Variants in MARCHF11 observed in about 807,000 individuals in gnomAD.
MARCHF11 encodes membrane associated ring-CH-type finger 11, also known as E3 ubiquitin-protein ligase MARCHF11.
A neutral mutation model predicts 37.3 loss-of-function variants in MARCHF11; 29 were observed. That is an observed-to-expected ratio of 0.78 (90% CI 0.58 to 1.06). The LOEUF is 1.06. Among genes scored for constraint, MARCHF11 ranks in the 50% least tolerant of loss-of-function variants. MARCHF11 has a pLI of 0.00. For missense variants in MARCHF11, 482 were observed against 533.4 expected (o/e 0.90, Z 0.95); for synonymous variants, 233 against 228.0 (o/e 1.02, Z -0.20).
chr5:16,117,645 G>A (rs544458586), intron 2 of MARCHF11, among the ~76,000 whole-genome samples: 175 of 152,254 alleles, frequency 1.1e-3, no homozygotes, highest in Middle Eastern at 6.8e-3. Context: ...TCCCAGCTAC[G>A]CAGGAGGCCA....
intron 2 of MARCHF11, among the ~76,000 whole-genome samples, chr5:16,134,737 CTAAA>C (rs1358752540): frequency 6.6e-6 from 1 of 151,980 alleles, no homozygotes; most frequent in Non-Finnish European, 1.5e-5. Flanking sequence ...AAGAAAGTGA[CTAAA>C]TAAGTTCTGG....
At chr5:16,096,476 G>T (rs1156527657) in intron 2 of MARCHF11, among the ~76,000 whole-genome samples, 1 of 152,156 alleles carries the variant, frequency 6.6e-6, no homozygotes, top group Non-Finnish European at 1.5e-5. Context: ...TCCTACAAAG[G>T]TTCTGAAAAT....
chr5:16,130,143 CAT>C (rs1737490732), intron 2 of MARCHF11, among the ~76,000 whole-genome samples: 1 of 151,860 alleles, frequency 6.6e-6, no homozygotes, highest in Non-Finnish European at 1.5e-5. Flanking sequence ...CTCATTTTAA[CAT>C]ATTTAATAAT....
chr5:16,120,863 C>T (rs1003750879), intron 2 of MARCHF11, among the ~76,000 whole-genome samples: 1 of 152,174 alleles, frequency 6.6e-6, no homozygotes, highest in Non-Finnish European at 1.5e-5. Flanking sequence ...CACTCAGTGT[C>T]CTGGCAGCTT....
intron 2 of MARCHF11, among the ~76,000 whole-genome samples, chr5:16,120,767 C>T (rs1737297426): frequency 1.3e-5 from 2 of 152,150 alleles, no homozygotes; most frequent in South Asian, 4.1e-4. Flanking sequence ...GCCATGTCAA[C>T]AAGCATGAAA....
At chr5:16,150,498 T>G (rs1383902401) in intron 2 of MARCHF11, among the ~76,000 whole-genome samples, 1 of 149,464 alleles carries the variant, frequency 6.7e-6, no homozygotes, top group Non-Finnish European at 1.5e-5. Context: ...GTGGGAAAAG[T>G]ATTGGGATCT....
At chr5:16,089,074 C>A (rs1736747084) in intron 3 of MARCHF11, among the ~76,000 whole-genome samples, 1 of 151,630 alleles carries the variant, frequency 6.6e-6, no homozygotes, top group Admixed American at 6.6e-5. Context: ...CATAATAACT[C>A]AGCACTAAAT....
chr5:16,125,643 G>C (rs1387671208), intron 2 of MARCHF11, among the ~76,000 whole-genome samples: 1 of 142,758 alleles, frequency 7.0e-6, no homozygotes, highest in African/African-American at 3.0e-5. Flanking sequence ...GTGTGTGTGT[G>C]TGTGTGTGTG....
At chr5:16,136,559 T>C (rs1023826546) in intron 2 of MARCHF11, among the ~76,000 whole-genome samples, 5 of 152,126 alleles carry the variant, frequency 3.3e-5, no homozygotes, top group Non-Finnish European at 7.4e-5. Flanking sequence ...TGAAAAGTAA[T>C]GCAACTGTGA....
intron 2 of MARCHF11, among the ~76,000 whole-genome samples, chr5:16,133,500 C>G (rs1445619550): frequency 6.6e-6 from 1 of 152,174 alleles, no homozygotes; most frequent in Non-Finnish European, 1.5e-5. Flanking sequence ...CACATAGATA[C>G]ATAAAAACTG....
intron 3 of MARCHF11, 144 bp from the exon 4 acceptor site, chr5:16,067,937 AT>A: frequency 1.9e-5 from 14 of 733,018 alleles, no homozygotes; most frequent in Non-Finnish European, 3.0e-5. Flanking sequence ...CTCAAATATT[AT>A]GGCTAATGGC....
At chr5:16,152,902 A>G (rs1029010261) in intron 2 of MARCHF11, among the ~76,000 whole-genome samples, 1 of 152,012 alleles carries the variant, frequency 6.6e-6, no homozygotes, top group Non-Finnish European at 1.5e-5. Context: ...ATGATAACTT[A>G]AATGGTATAA....
chr5:16,099,206 A>G (rs1461027528), intron 2 of MARCHF11, among the ~76,000 whole-genome samples: 2 of 152,196 alleles, frequency 1.3e-5, no homozygotes, highest in African/African-American at 4.8e-5. Flanking sequence ...AAGAAATACG[A>G]CCCACTTATT....
At chr5:16,068,328 A>G (rs1408245193) in intron 3 of MARCHF11, among the ~76,000 whole-genome samples, 1 of 152,246 alleles carries the variant, frequency 6.6e-6, no homozygotes, top group African/African-American at 2.4e-5. Flanking sequence ...TTCAACAAAA[A>G]TGTATTGAAC....
intron 2 of MARCHF11, among the ~76,000 whole-genome samples, chr5:16,124,497 C>T (rs977601901): frequency 1.1e-4 from 16 of 152,080 alleles, no homozygotes; most frequent in African/African-American, 2.2e-4. Context: ...AAGTAAGACA[C>T]GGGAATCCAG....
At chr5:16,079,868 A>G (rs113774035) in intron 3 of MARCHF11, among the ~76,000 whole-genome samples, 4,125 of 152,124 alleles carry the variant, frequency 0.027, 173 homozygotes, top group African/African-American at 0.094. Context: ...AGGACACAGG[A>G]TCCCTCCTGT....
At chr5:16,154,604 A>G (rs1737936200) in intron 2 of MARCHF11, among the ~76,000 whole-genome samples, 1 of 151,130 alleles carries the variant, frequency 6.6e-6, no homozygotes, top group African/African-American at 2.4e-5. Context: ...CCAAAAAGGG[A>G]GGGGGGGGAG....
rs554176005 is a variant in MARCHF11, at chr5:16,157,230, G to A, written c.693+20496C>T. Among the ~76,000 whole-genome samples the A allele has an allele frequency of 6.6e-5, 10 of 151,642 alleles. No individual in the cohort carries two copies. In the South Asian group the frequency reaches 2.1e-3, roughly 32 times the overall value. ...GAGTAAATGAAATCCCGTGTTTGTG[G>A]ATTAGAAAAATTAATATTGTTAAAA... is the stretch of plus-strand genomic sequence containing the variant. On this transcript the variant is annotated intron_variant, in intron 2 of 3. Coordinates refer to ENST00000332432, the MANE Select transcript of MARCHF11 (RefSeq NM_001102562.3).
intron 2 of MARCHF11, among the ~76,000 whole-genome samples, chr5:16,091,502 T>C (rs1252889758): frequency 6.6e-6 from 1 of 152,210 alleles, no homozygotes; most frequent in African/African-American, 2.4e-5. Context: ...GAGGGAACTG[T>C]CTCTTGTTTT....
Sources: gnomAD v4.1 joint callset for allele counts (sites outside exome capture counted in the v4.1 genomes callset) on GRCh38, gnomAD v4.1.1 for gene constraint, MANE v1.5 for transcripts, NCBI Gene and HGNC (gene_info 2026-07-23, HGNC 2026-07-21) for gene names.